Variants in C1orf87 observed in about 807,000 individuals in gnomAD.
C1orf87 encodes chromosome 1 open reading frame 87, also known as uncharacterized protein C1orf87.
C1orf87 carries 58 observed loss-of-function variants against 60.5 expected under a neutral mutation model. The observed-to-expected ratio is 0.96, with a 90% CI of 0.78 to 1.19. The LOEUF (loss-of-function observed/expected upper bound fraction) is 1.19, where lower values mean the gene tolerates loss of function less well. Among genes scored for constraint, C1orf87 ranks in the 50% most tolerant of loss-of-function variants. The pLI is 0.00. For synonymous variants in C1orf87, 236 were observed against 227.4 expected (o/e 1.04, Z -0.34); for missense variants, 673 against 638.6 (o/e 1.05, Z -0.58).
chr1:60,050,639 T>C (rs1379576020), intron 3 of C1orf87, among the ~76,000 whole-genome samples: 1 of 152,064 alleles, frequency 6.6e-6, no homozygotes, highest in African/African-American at 2.4e-5. Flanking sequence ...TTCTTTCTCT[T>C]ATGTAATTGC....
intron 11 of C1orf87, among the ~76,000 whole-genome samples, chr1:59,994,314 C>T (rs1644948380): frequency 6.6e-6 from 1 of 151,230 alleles, no homozygotes; most frequent in South Asian, 2.1e-4. Context: ...TCTAGTATGT[C>T]ATGGGACTGG....
intron 3 of C1orf87, among the ~76,000 whole-genome samples, chr1:60,051,005 GT>G (rs1645410425): frequency 6.6e-6 from 1 of 152,186 alleles, no homozygotes; most frequent in Admixed American, 6.5e-5. Context: ...TGCTATCTAA[GT>G]TGGGACACTT....
intron 1 of C1orf87, 146 bp from the exon 2 acceptor site, chr1:60,072,816 G>T (rs1645593363): frequency 1.8e-6 from 1 of 550,642 alleles, no homozygotes; most frequent in Non-Finnish European, 3.2e-6. Flanking sequence ...AAAGGCATGA[G>T]AAAGATATTT....
At chr1:60,061,803 T>A (rs685481) in intron 2 of C1orf87, among the ~76,000 whole-genome samples, 41,646 of 95,672 alleles carry the variant, frequency 0.44, 8,855 homozygotes, top group Middle Eastern at 0.56. Context: ...AAAAAAAAAA[T>A]AGCTGGGCTT....
At chr1:59,992,062 G>T (rs1489200520) in intron 11 of C1orf87, among the ~76,000 whole-genome samples, 1 of 151,962 alleles carries the variant, frequency 6.6e-6, no homozygotes, top group Non-Finnish European at 1.5e-5. Context: ...TCCAGGAACT[G>T]CTCCAAGCAT....
intron 2 of C1orf87, among the ~76,000 whole-genome samples, chr1:60,069,135 C>T (rs112524701): frequency 1.1e-4 from 17 of 152,046 alleles, no homozygotes; most frequent in African/African-American, 3.6e-4. Context: ...CTATTCCTTA[C>T]GGGTGTTACA....
chr1:60,064,802 T>TA (rs1645528936), intron 2 of C1orf87, among the ~76,000 whole-genome samples: 1 of 91,830 alleles, frequency 1.1e-5, no homozygotes, highest in Non-Finnish European at 1.9e-5. Flanking sequence ...AAATATATAA[T>TA]TATATTTAAT....
chr1:60,025,977 A>T (rs986130334), intron 7 of C1orf87, among the ~76,000 whole-genome samples: 5 of 152,202 alleles, frequency 3.3e-5, no homozygotes, highest in African/African-American at 1.2e-4. Context: ...TTAATGTCAC[A>T]TAGCTAATAA....
At chr1:60,014,665 A>T (rs1645113119) in intron 8 of C1orf87, among the ~76,000 whole-genome samples, 1 of 152,178 alleles carries the variant, frequency 6.6e-6, no homozygotes, top group Non-Finnish European at 1.5e-5. Flanking sequence ...TGAAGGCTTA[A>T]GTCAAAAGGT....
At chr1:60,027,795 C>T (rs979996474) in intron 7 of C1orf87, among the ~76,000 whole-genome samples, 34 of 152,048 alleles carry the variant, frequency 2.2e-4, no homozygotes, top group Non-Finnish European at 4.4e-5. Flanking sequence ...GGGGGCATTC[C>T]AGGCTGAGGA....
chr1:59,994,234 T>G lies in C1orf87; in HGVS notation c.1480+3375A>C, dbSNP rs559570656. Among the ~76,000 whole-genome samples, 7 of 151,934 alleles carry G rather than the reference T, an allele frequency of 4.6e-5. No individual in the cohort carries two copies. In the South Asian group the frequency reaches 1.5e-3, roughly 32 times the overall value. On this transcript the variant is annotated intron_variant, in intron 11 of 11. Coordinates refer to ENST00000371201, the MANE Select transcript of C1orf87 (RefSeq NM_152377.3). ...GTGACTGGCTTTTACGGATCAACAA[T>G]GGGTGGAGTCTGGATTTGAATCTAA... is the stretch of plus-strand genomic sequence containing the variant.
At chr1:59,994,092 A>G (rs536207049) in intron 11 of C1orf87, among the ~76,000 whole-genome samples, 3 of 152,304 alleles carry the variant, frequency 2.0e-5, no homozygotes, top group Admixed American at 6.5e-5. Flanking sequence ...TTCATTGTAC[A>G]GTATATAAAG....
intron 2 of C1orf87, 129 bp from the exon 3 acceptor site, chr1:60,055,567 T>C (rs1645448772): frequency 2.8e-6 from 2 of 702,486 alleles, no homozygotes; most frequent in South Asian, 3.6e-5. Context: ...TGTGGAAGCA[T>C]AAACATTGGT....
chr1:60,040,147 C>G lies in C1orf87; in HGVS notation c.517G>C (p.Glu173Gln). Residue 173 changes from glutamate (E) to glutamine (Q), a missense_variant, in exon 5 of 12, where the codon GAA becomes CAA. By Grantham distance (29) the Glu-to-Gln change is conservative. Transcript: ENST00000371201. ...IGQSPSGTTN[E>Q]DAFLLALVRR... ...ACCAGGGCAAGAAGAAAAGCGTCTT[C>G]ATTTGTTGTCCCACTTGGGCTCTGG... The G allele has an allele frequency of 6.2e-7, 1 of 1,613,874 alleles. No homozygotes were observed. The highest frequency in any genetic ancestry group is 8.5e-7 in the Non-Finnish European group (1 of 1,179,968).
chr1:59,994,647 C>T (rs1644950842), intron 11 of C1orf87, among the ~76,000 whole-genome samples: 1 of 151,920 alleles, frequency 6.6e-6, no homozygotes, highest in Non-Finnish European at 1.5e-5. Context: ...CTTTAGAAAA[C>T]ATGACTAGTT....
At chr1:60,054,059 T>A (rs1645434810) in intron 3 of C1orf87, among the ~76,000 whole-genome samples, 1 of 152,344 alleles carries the variant, frequency 6.6e-6, no homozygotes, top group Non-Finnish European at 1.5e-5. Context: ...AATGCCAGAA[T>A]CTAAATTAGG....
At chr1:60,015,631 T>A (rs543741794) in intron 8 of C1orf87, among the ~76,000 whole-genome samples, 3 of 152,340 alleles carry the variant, frequency 2.0e-5, no homozygotes, top group East Asian at 1.9e-4. Flanking sequence ...TGGTCTTTCC[T>A]CTGTGCACCT....
At chr1:60,070,206 C>T (rs1009721553) in intron 2 of C1orf87, among the ~76,000 whole-genome samples, 1 of 152,158 alleles carries the variant, frequency 6.6e-6, no homozygotes, top group African/African-American at 2.4e-5. Flanking sequence ...ATCTAAAAGG[C>T]TACCTTCAAG....
chr1:59,991,078 C>G (rs765791567), intron 11 of C1orf87, among the ~76,000 whole-genome samples: 1 of 152,116 alleles, frequency 6.6e-6, no homozygotes, highest in Non-Finnish European at 1.5e-5. Context: ...CCAATAAGAT[C>G]CATAGATAAA....
Sources: allele counts gnomAD v4.1 joint callset (sites outside exome capture counted in the v4.1 genomes callset), GRCh38; gene constraint gnomAD v4.1.1; transcripts MANE v1.5; gene names NCBI Gene and HGNC (gene_info 2026-07-23, HGNC 2026-07-21).